The following MUSK variants were observed in gnomAD, a reference collection of about 807,000 sequenced individuals.
MUSK encodes the protein muscle, skeletal receptor tyrosine-protein kinase.
A neutral mutation model predicts 88.7 loss-of-function variants in MUSK; 55 were observed. The observed-to-expected ratio is 0.62, with a 90% CI of 0.50 to 0.78. The LOEUF is 0.78. Among genes scored for constraint, MUSK ranks in the 30% least tolerant of loss-of-function variants. The pLI, the probability that MUSK is intolerant of heterozygous loss-of-function variation, is 0.00. For missense variants in MUSK, 1,015 were observed against 1,074.3 expected (o/e 0.94, Z 0.77); for synonymous variants, 387 against 391.9 (o/e 0.99, Z 0.15).
At chr9:110,720,650 T>C (rs1217113593) in intron 5 of MUSK, among the ~76,000 whole-genome samples, 2 of 152,110 alleles carry the variant, frequency 1.3e-5, no homozygotes, top group Non-Finnish European at 2.9e-5. Flanking sequence ...CATAGCTGAA[T>C]TGTATCAGAC....
chr9:110,783,313 TTC>T (rs2077793846), intron 11 of MUSK, among the ~76,000 whole-genome samples: 1 of 152,060 alleles, frequency 6.6e-6, no homozygotes, highest in Admixed American at 6.6e-5. Context: ...TGAAAGAATT[TTC>T]TCTTACTGGA....
At chr9:110,719,099 T>G (rs1444333222) in intron 5 of MUSK, among the ~76,000 whole-genome samples, 1 of 152,024 alleles carries the variant, frequency 6.6e-6, no homozygotes, top group Non-Finnish European at 1.5e-5. Flanking sequence ...ATTCTGGAAA[T>G]ACACCAAAAT....
At chr9:110,770,926 A>G (rs780368798) in intron 9 of MUSK, among the ~76,000 whole-genome samples, 10 of 152,070 alleles carry the variant, frequency 6.6e-5, no homozygotes, top group Non-Finnish European at 1.3e-4. Context: ...TAGAATTTGT[A>G]CATTTTAGAG....
intron 5 of MUSK, among the ~76,000 whole-genome samples, chr9:110,702,646 C>A (rs1030766133): frequency 6.6e-6 from 1 of 152,128 alleles, no homozygotes; most frequent in Admixed American, 6.6e-5. Context: ...CAGTGGCTCA[C>A]CCCTGTAATC....
Position 110,775,869 on chromosome 9 carries a change from C to A in MUSK, c.1266C>A (p.Tyr422Ter). 6.2e-7 allele frequency: 1 copy of A among 1,613,956 alleles called. No individual in the cohort carries two copies. The highest frequency in any genetic ancestry group is 8.5e-7 in the Non-Finnish European group (1 of 1,179,834). The change falls in exon 10 of 15, where the codon TAC becomes TAA. Residue 422 changes from tyrosine (Y) to a stop codon, truncating the protein, a stop_gained. Transcript: ENST00000374448. LOFTEE classifies it high-confidence loss of function. ...AAGAGAAGACCCACAGAGGACTCTACAGATCCGAGATGCATTTGCTGTCCG... is the reference window on the plus strand; with the variant it reads ...AAGAGAAGACCCACAGAGGACTCTAAAGATCCGAGATGCATTTGCTGTCCG... ...VMEEKTHRGLYRSEMHLLSVP... is the reference protein window; with the variant it reads ...VMEEKTHRGL
chr9:110,755,981 T>TATATATATAC (rs1564269096), intron 7 of MUSK, among the ~76,000 whole-genome samples: 20 of 108,080 alleles, frequency 1.9e-4, no homozygotes, highest in Non-Finnish European at 2.0e-4. Context: ...TATATATACA[T>TATATATATAC]ATATATATAT....
chr9:110,675,951 ATTG>A (rs1005979013), intron 1 of MUSK, among the ~76,000 whole-genome samples: 3 of 152,044 alleles, frequency 2.0e-5, no homozygotes, highest in African/African-American at 7.2e-5. Flanking sequence ...TTAATAAAAT[ATTG>A]TTTTTGTTCT....
chr9:110,800,769 C>G lies in MUSK; in HGVS notation c.2391C>G (p.Ser797=). 1 of 1,614,032 alleles carries G rather than the reference C, an allele frequency of 6.2e-7. No homozygotes were observed. The highest frequency in any genetic ancestry group is 8.5e-7 in the Non-Finnish European group (1 of 1,179,904). Residue 797 remains serine (S), a synonymous_variant, in exon 15 of 15, where the codon TCC becomes TCG. Transcript: ENST00000374448. ...AYGVVLWEIF[S]YGLQPYYGMA... ...GCGTGGTCCTCTGGGAGATCTTCTC[C>G]TATGGCCTGCAGCCCTACTATGGGA...
At chr9:110,749,565 C>A (rs1256243455) in intron 7 of MUSK, among the ~76,000 whole-genome samples, 1 of 152,134 alleles carries the variant, frequency 6.6e-6, no homozygotes, top group African/African-American at 2.4e-5. Flanking sequence ...GATGAGAAGT[C>A]ATTTAATGAT....
At chr9:110,681,088 T>TATTA (rs2076119711) in intron 1 of MUSK, among the ~76,000 whole-genome samples, 2 of 24,268 alleles carry the variant, frequency 8.2e-5, no homozygotes, top group African/African-American at 2.4e-4. Context: ...TATTATATAA[T>TATTA]ATATATTATA....
At chr9:110,729,289 T>C (rs543045389) in intron 5 of MUSK, among the ~76,000 whole-genome samples, 2 of 97,132 alleles carry the variant, frequency 2.1e-5, no homozygotes, top group East Asian at 4.2e-4. Context: ...TTCTACTTTT[T>C]CCCCAACAGT....
intron 5 of MUSK, among the ~76,000 whole-genome samples, chr9:110,699,751 C>G (rs900233894): frequency 6.6e-6 from 1 of 152,124 alleles, no homozygotes; most frequent in Non-Finnish European, 1.5e-5. Context: ...TTGGGGCAGA[C>G]GAGCATATGT....
intron 3 of MUSK, among the ~76,000 whole-genome samples, chr9:110,689,709 AACTATATATG>A (rs2076273054): frequency 1.8e-5 from 1 of 55,306 alleles, no homozygotes; most frequent in Admixed American, 2.4e-4. Flanking sequence ...ATAAATATAT[AACTATATATG>A]TTATATATAG....
At chr9:110,771,234 C>T (rs1005027141) in intron 9 of MUSK, among the ~76,000 whole-genome samples, 3 of 132,822 alleles carry the variant, frequency 2.3e-5, no homozygotes, top group Non-Finnish European at 3.1e-5. Flanking sequence ...GTAGCTGGGA[C>T]TACAGGCACC....
chr9:110,740,001 C>T (rs1298378420), intron 6 of MUSK, among the ~76,000 whole-genome samples: 4 of 152,098 alleles, frequency 2.6e-5, no homozygotes, highest in South Asian at 4.1e-4. Context: ...TGTCCCAAAT[C>T]GGGACACTTT....
intron 3 of MUSK, among the ~76,000 whole-genome samples, chr9:110,689,740 ATAT>A (rs1351580954): frequency 1.8e-4 from 11 of 60,332 alleles, no homozygotes; most frequent in Non-Finnish European, 2.3e-4. Context: ...TTTATATATA[ATAT>A]TATATATTAT....
At chr9:110,698,173 A>G (rs2076457962) in intron 5 of MUSK, among the ~76,000 whole-genome samples, 1 of 152,166 alleles carries the variant, frequency 6.6e-6, no homozygotes, top group African/African-American at 2.4e-5. Flanking sequence ...TAGGCGAATA[A>G]ACTGAGTACA....
At chr9:110,725,273 A>G (rs575568665) in intron 5 of MUSK, among the ~76,000 whole-genome samples, 215 of 152,064 alleles carry the variant, frequency 1.4e-3, no homozygotes, top group African/African-American at 4.9e-3. Context: ...TGGAAGGGGG[A>G]TGAGGGATAA....
intron 6 of MUSK, among the ~76,000 whole-genome samples, chr9:110,737,126 A>AT (rs1228076629): frequency 6.6e-6 from 1 of 151,152 alleles, no homozygotes. Flanking sequence ...TCTGTTAAAA[A>AT]TTTTTTTTTC....
Sources: allele counts gnomAD v4.1 joint callset (sites outside exome capture counted in the v4.1 genomes callset), GRCh38; gene constraint gnomAD v4.1.1; transcripts MANE v1.5; gene names NCBI Gene and HGNC (gene_info 2026-07-23, HGNC 2026-07-21).